FGF13: variants seen among roughly 807,000 people sequenced by gnomAD.
The protein encoded by FGF13 is fibroblast growth factor 13.
In FGF13, 2 loss-of-function variants were observed where a neutral mutation model predicts 19.5. The observed-to-expected ratio is 0.10, with a 90% CI of 0.04 to 0.32. FGF13 has a LOEUF of 0.32. FGF13 is among the 10% of genes least tolerant of loss of function. The pLI, the probability that FGF13 is intolerant of heterozygous loss-of-function variation, is 1.00. For synonymous variants in FGF13, 72 were observed against 76.9 expected (o/e 0.94, Z 0.33); for missense variants, 113 against 192.7 (o/e 0.59, Z 2.45).
intron 1 of FGF13, among the ~76,000 whole-genome samples, chrX:139,107,487 T>C (rs2083568814): frequency 1.8e-5 from 2 of 112,008 alleles, no homozygotes; most frequent in South Asian, 7.4e-4. Context: ...GATCAGGTTA[T>C]GAAAGCTGAC....
At chrX:139,084,477 A>C in intron 1 of FGF13, among the ~76,000 whole-genome samples, 1 of 110,992 alleles carries the variant, frequency 9.0e-6, no homozygotes, top group East Asian at 2.9e-4. Context: ...CACAACTCTG[A>C]CCTCTTTAAG....
intron 1 of FGF13, among the ~76,000 whole-genome samples, chrX:139,018,118 G>C (rs2092161895): frequency 9.0e-6 from 1 of 111,603 alleles, no homozygotes; most frequent in Admixed American, 9.5e-5. Context: ...TGAAAGGCAA[G>C]AATGGTTTGT....
upstream of FGF13, chrX:138,711,774 G>A (rs2090054612): frequency 1.6e-6 from 1 of 620,377 alleles, no homozygotes; most frequent in African/African-American, 2.6e-5. Flanking sequence ...TGAGCCCGTA[G>A]GCTCGGAGCC....
intron 1 of FGF13, among the ~76,000 whole-genome samples, chrX:139,086,938 A>G (rs1017144123): frequency 9.8e-5 from 11 of 112,515 alleles, no homozygotes; most frequent in African/African-American, 3.6e-4. Flanking sequence ...TGCAGATTTC[A>G]TCACGTTGTT....
rs1350635758 is a variant in FGF13 at position 138,909,555 on chromosome X, A to G, written c.-112-44905T>C. Among the ~76,000 whole-genome samples the G allele has an allele frequency of 6.3e-5, 7 of 111,738 alleles. No homozygotes were observed. In the East Asian group the frequency reaches 2.0e-3, roughly 32 times the overall value. On this transcript the variant is annotated intron_variant, in intron 1 of 2. Transcript: ENST00000421460. ...TCTGATTGGCATGGCCACCCTATGG[A>G]AGGGTATTGTTTCCCAACTTTGTGC...
At chrX:139,026,677 G>A (rs892865639) in intron 1 of FGF13, among the ~76,000 whole-genome samples, 2 of 111,523 alleles carry the variant, frequency 1.8e-5, no homozygotes, top group African/African-American at 6.5e-5. Flanking sequence ...TACCATTCTC[G>A]CCAGCAGAAT....
chrX:138,933,930 G>A (rs1427514208), intron 1 of FGF13, among the ~76,000 whole-genome samples: 1 of 111,662 alleles, frequency 9.0e-6, no homozygotes, highest in East Asian at 2.8e-4. Context: ...ACATTAAACT[G>A]GATTAAGTTA....
intron 1 of FGF13, among the ~76,000 whole-genome samples, chrX:138,934,233 T>C (rs1003619945): frequency 2.7e-5 from 3 of 111,251 alleles, no homozygotes; most frequent in Non-Finnish European, 5.6e-5. Context: ...AATTATACCA[T>C]GAGGCAAAAT....
chrX:139,063,983 T>C (rs1354530217), intron 1 of FGF13, among the ~76,000 whole-genome samples: 1 of 111,319 alleles, frequency 9.0e-6, no homozygotes, highest in African/African-American at 3.3e-5. Flanking sequence ...AACTTCTCCT[T>C]ATAATTCTGT....
At chrX:139,146,816 G>C (rs1002360097) in intron 1 of FGF13, among the ~76,000 whole-genome samples, 2 of 111,164 alleles carry the variant, frequency 1.8e-5, no homozygotes, top group Non-Finnish European at 3.8e-5. Flanking sequence ...CATGTCCTTT[G>C]TAGGGACATG....
chrX:139,176,429 A>T (rs1603231393), intron 1 of FGF13, among the ~76,000 whole-genome samples: 3 of 81,096 alleles, frequency 3.7e-5, no homozygotes, highest in Non-Finnish European at 4.6e-5. Flanking sequence ...CTCTGATCCT[A>T]TTCACTTCTT....
chrX:139,079,812 C>T (rs1216083967), intron 1 of FGF13, among the ~76,000 whole-genome samples: 2 of 111,198 alleles, frequency 1.8e-5, no homozygotes, highest in African/African-American at 6.6e-5. Flanking sequence ...GTTAGTCATA[C>T]ACTGGATAAA....
At chrX:138,897,655 G>A (rs1486789783) in intron 1 of FGF13, among the ~76,000 whole-genome samples, 1 of 111,299 alleles carries the variant, frequency 9.0e-6, no homozygotes, top group African/African-American at 3.3e-5. Flanking sequence ...GACTTTAAGG[G>A]TCCGTCTGAG....
chrX:139,019,374 T>A (rs1271960593), intron 1 of FGF13, among the ~76,000 whole-genome samples: 1 of 110,946 alleles, frequency 9.0e-6, no homozygotes, highest in East Asian at 2.9e-4. Context: ...TGGATGAAGG[T>A]TCCATTTATT....
chrX:139,150,962 T>A (rs191008592), intron 1 of FGF13, among the ~76,000 whole-genome samples: 12 of 110,985 alleles, frequency 1.1e-4, no homozygotes, highest in Admixed American at 9.7e-4. Context: ...TCTGTCCATA[T>A]CCTTTTAATA....
chrX:139,030,060 C>G (rs1359000203), intron 1 of FGF13, among the ~76,000 whole-genome samples: 1 of 111,877 alleles, frequency 8.9e-6, no homozygotes, highest in Non-Finnish European at 1.9e-5. Flanking sequence ...AACATGTGGA[C>G]TGTCTGCAGG....
At chrX:138,745,770 T>C (rs993964565) in intron 3 of FGF13, among the ~76,000 whole-genome samples, 4 of 111,889 alleles carry the variant, frequency 3.6e-5, no homozygotes, top group African/African-American at 1.3e-4. Flanking sequence ...TTCTGGGTGT[T>C]TGAGACACGA....
intron 2 of FGF13, among the ~76,000 whole-genome samples, chrX:138,860,295 A>C (rs906635154): frequency 9.0e-6 from 1 of 111,232 alleles, no homozygotes; most frequent in African/African-American, 3.3e-5. Flanking sequence ...ATGAAAGATG[A>C]CTTCCCACAG....
chrX:138,987,292 C>T (rs1214498685), intron 1 of FGF13, among the ~76,000 whole-genome samples: 1 of 111,265 alleles, frequency 9.0e-6, no homozygotes, highest in Non-Finnish European at 1.9e-5. Flanking sequence ...TTGCTCTGCC[C>T]CATCCTTTCC....
Sources: allele counts gnomAD v4.1 joint callset (sites outside exome capture counted in the v4.1 genomes callset), GRCh38; gene constraint gnomAD v4.1.1; transcripts MANE v1.5; gene names NCBI Gene and HGNC (gene_info 2026-07-23, HGNC 2026-07-21).